Variants in TNS2 observed in about 807,000 individuals in gnomAD.
TNS2 encodes the protein tensin 2, also known as tensin-2.
Under a neutral mutation model 155.7 loss-of-function variants are expected in TNS2, and 77 were observed. The observed-to-expected ratio is 0.49, with a 90% CI of 0.41 to 0.60. The LOEUF is 0.60. Ranked by LOEUF, TNS2 falls within the 20% of genes least tolerant of loss-of-function variation. TNS2 has a pLI of 0.00. For missense variants in TNS2, 1,703 were observed against 1,868.8 expected (o/e 0.91, Z 1.64); for synonymous variants, 726 against 763.9 (o/e 0.95, Z 0.82).
At chr12:53,058,882 G>A (rs755944524) in intron 17 of TNS2, 55 bp downstream of exon 17, 6 of 1,589,852 alleles carry the variant, frequency 3.8e-6, no homozygotes, top group Non-Finnish European at 5.1e-6. Flanking sequence ...GACCCTGGGG[G>A]GTGGTGCCAG....
intron 11 of TNS2, 125 bp downstream of exon 11, chr12:53,057,221 A>G (rs1234996261): frequency 9.4e-7 from 1 of 1,059,768 alleles, no homozygotes; most frequent in East Asian, 2.6e-5. Flanking sequence ...GGTGCTGAGA[A>G]TTCAAAGTGG....
rs1944434004 is a variant in TNS2 at position 53,063,076 on chromosome 12, C to T, written c.3824-13C>T. On this transcript the variant is annotated splice_polypyrimidine_tract_variant and intron_variant, in intron 25 of 28. Transcript: ENST00000314250. This position sits in a 1 kb window ranked among gnomAD's most constrained non-coding sequence, Gnocchi z 5.6. Reference sequence around the variant, plus strand: ...TGGGCACTCCCTCCCTGACCCACTCCCTGCCCCTGTAGCCTGCAGCGTGCT... The same window carrying T: ...TGGGCACTCCCTCCCTGACCCACTCTCTGCCCCTGTAGCCTGCAGCGTGCT... The T allele has an allele frequency of 2.6e-6, 4 of 1,519,990 alleles. No individual in the cohort carries two copies. The highest frequency in any genetic ancestry group is 3.5e-6 in the Non-Finnish European group (4 of 1,136,826). The allele number at this position is 1,519,990 out of a possible 1,614,324, so 94.2% of individuals were successfully genotyped here.
chr12:53,049,070 G>T, upstream of TNS2: 2 of 1,123,392 alleles, frequency 1.8e-6, no homozygotes, highest in Non-Finnish European at 1.3e-6. Flanking sequence ...CTTTTTCAAG[G>T]CCCCATCCAC....
rs777879917 is a variant in TNS2, at chr12:53,061,866, G to T, written c.3500G>T (p.Ser1167Ile). 2.5e-6 allele frequency: 4 copies of T among 1,613,846 alleles called. No homozygotes were observed. The highest frequency in any genetic ancestry group is 2.5e-6 in the Non-Finnish European group (3 of 1,180,014). Residue 1167 changes from serine (S) to isoleucine (I), a missense_variant, in exon 22 of 29, where the codon AGT becomes ATT. Ser to Ile is a moderately radical substitution (Grantham distance 142, BLOSUM62 -2). Coordinates refer to ENST00000314250, the MANE Select transcript of TNS2 (RefSeq NM_170754.4). The stretch of plus-strand genomic sequence containing the variant: ...CCTGGGGCCTTCCTGATCAGGGACA[G>T]TCATTCATTCCAAGGAGCTTATGGG... ...KDPGAFLIRD[S>I]HSFQGAYGLA...
intron 10 of TNS2, 113 bp downstream of exon 10, chr12:53,055,958 CAGCTT>C (rs1944138500): frequency 9.4e-7 from 1 of 1,062,358 alleles, no homozygotes; most frequent in African/African-American, 1.6e-5. Context: ...CCTTTGCTGT[CAGCTT>C]AGCACTTCCA....
At position 53,058,643 on chromosome 12, in the gene TNS2, A is replaced by G. The variant is rs977424811; in HGVS notation, c.1291+6A>G. On this transcript the variant is annotated splice_donor_region_variant and intron_variant, in intron 16 of 28. Coordinates refer to ENST00000314250, the MANE Select transcript of TNS2 (RefSeq NM_170754.4). ...CAGCCCCGAGAAGATCAAAGGTAAGAGCAGGGACATGGGCTGGGGACTGAG... is the reference window on the plus strand; with the variant it reads ...CAGCCCCGAGAAGATCAAAGGTAAGGGCAGGGACATGGGCTGGGGACTGAG... 1.9e-6 allele frequency: 3 copies of G among 1,613,874 alleles called. No homozygotes were observed. In the African/African-American group the frequency reaches 4.0e-5, roughly 22 times the overall value.
At chr12:53,058,142 G>A (rs773363333) in intron 14 of TNS2, 40 bp downstream of exon 14, 11 of 1,613,628 alleles carry the variant, frequency 6.8e-6, no homozygotes, top group African/African-American at 1.3e-5. Flanking sequence ...CCTGGAGATG[G>A]GGCAGGGGTT....
chr12:53,060,757 C>T lies in TNS2; in HGVS notation c.2851C>T (p.Gln951Ter). The change falls in exon 20 of 29, where the codon CAG (glutamine) becomes TAG (stop). Residue 951 changes from glutamine (Q) to a stop codon, truncating the protein, a stop_gained. Transcript: ENST00000314250. LOFTEE classifies it high-confidence loss of function. The surrounding 1 kb of genome is among the most constrained non-coding windows in gnomAD (Gnocchi z 6.1). The stretch of plus-strand genomic sequence containing the variant: ...TGGCGAGGCCTTGCCCCCTGTTTCC[C>T]AGGCAGGCACCGGAAAGGCCCCTGA... ...SPGEALPPVS[Q>*]AGTGKAPELP... 6.2e-7 allele frequency: 1 copy of T among 1,611,852 alleles called. No homozygotes were observed. The highest frequency in any genetic ancestry group is 1.1e-5 in the South Asian group (1 of 90,930).
At chr12:53,062,815 G>A in intron 25 of TNS2, 118 bp downstream of exon 25, 2 of 1,254,182 alleles carry the variant, frequency 1.6e-6, no homozygotes, top group Non-Finnish European at 1.1e-6. Context: ...ACCCATGAGG[G>A]CAGGGGAGCC....
chr12:53,063,261 T>C lies in TNS2; in HGVS notation c.3992+4T>C. The C allele has an allele frequency of 1.9e-6, 3 of 1,613,578 alleles. No individual in the cohort carries two copies. The highest frequency in any genetic ancestry group is 1.7e-6 in the Non-Finnish European group (2 of 1,179,798). ...CACTGACGGACAACCAAAGGAAGTA[T>C]GTATACTCAGCCCTGTAGAACCCCA... is the stretch of plus-strand genomic sequence containing the variant. On this transcript the variant is annotated splice_donor_region_variant and intron_variant, in intron 26 of 28. Transcript: ENST00000314250. This position sits in a 1 kb window ranked among gnomAD's most constrained non-coding sequence, Gnocchi z 5.6.
Position 53,063,630 on chromosome 12 carries a change from G to A in TNS2, c.4091+38G>A. The A allele has an allele frequency of 6.2e-7, 1 of 1,614,156 alleles. No homozygotes were observed. Among genetic ancestry groups the A allele is most frequent in the Non-Finnish European group, 8.5e-7 (1 of 1,180,032 alleles). On this transcript the variant is annotated intron_variant, in intron 28 of 28. Coordinates refer to ENST00000314250, the MANE Select transcript of TNS2 (RefSeq NM_170754.4). This position sits in a 1 kb window ranked among gnomAD's most constrained non-coding sequence, Gnocchi z 5.6. Reference sequence around the variant, plus strand: ...ACGAATTCAGCCTCTTCCTTCCAAGGGACCAGGGCGCTGCTGTCCTCTCAA... The same window carrying A: ...ACGAATTCAGCCTCTTCCTTCCAAGAGACCAGGGCGCTGCTGTCCTCTCAA...
chr12:53,055,239 A>G lies in TNS2; in HGVS notation c.573+3A>G. 1.2e-6 allele frequency: 2 copies of G among 1,613,934 alleles called. No homozygotes were observed. The highest frequency in any genetic ancestry group is 2.2e-5 in the East Asian group (1 of 44,870). On this transcript the variant is annotated splice_donor_region_variant and intron_variant, in intron 8 of 28. Transcript: ENST00000314250. ...ACCTGACCCGCTTAAACCCCAAGGT[A>G]TGAAGGAAATGGCCTGCCCAACCAT...
chr12:53,064,177 A>C lies in TNS2; in HGVS notation c.*295A>C. On this transcript the variant is annotated 3_prime_UTR_variant, in exon 29 of 29. Transcript: ENST00000314250. ...AAGGAGATCAGGCAGCCCCACCTGCAGGAGAACGTCAGCCCTCCAGGGGAT... is the reference window on the plus strand; with the variant it reads ...AAGGAGATCAGGCAGCCCCACCTGCCGGAGAACGTCAGCCCTCCAGGGGAT... 2.7e-6 allele frequency: 1 copy of C among 374,714 alleles called. No individual in the cohort carries two copies. Among genetic ancestry groups the C allele is most frequent in the Non-Finnish European group, 4.9e-6 (1 of 204,546 alleles). The allele number at this position is 374,714 out of a possible 1,614,324, so 23.2% of individuals were successfully genotyped here.
chr12:53,058,335 G>A lies in TNS2; in HGVS notation c.1115G>A (p.Gly372Asp). Residue 372 changes from glycine (G) to aspartate (D), a missense_variant, in exon 15 of 29, where the codon GGT becomes GAT. By Grantham distance (94) the Gly-to-Asp change is moderately conservative. Coordinates refer to ENST00000314250, the MANE Select transcript of TNS2 (RefSeq NM_170754.4). The stretch of plus-strand genomic sequence containing the variant: ...TCCCAGGTAACATGTTATCACAAGG[G>A]TGGCCGGGGCACAGACCGGACCCTC... Reference protein sequence around the residue: ...GDVMVTCYHKGGRGTDRTLVF... With the variant: ...GDVMVTCYHKDGRGTDRTLVF... The A allele has an allele frequency of 6.2e-7, 1 of 1,614,166 alleles. No individual in the cohort carries two copies. Among genetic ancestry groups the A allele is most frequent in the Non-Finnish European group, 8.5e-7 (1 of 1,180,036 alleles).
chr12:53,048,932 ATGAGAG>A, upstream of TNS2: 1 of 462,222 alleles, frequency 2.2e-6, no homozygotes, highest in South Asian at 3.6e-5. Flanking sequence ...TACCATGCAA[ATGAGAG>A]GGGCACATTT....
chr12:53,063,938 C>G lies in TNS2; in HGVS notation c.*56C>G. 1 of 1,589,106 alleles carries G rather than the reference C, an allele frequency of 6.3e-7. No homozygotes were observed. On this transcript the variant is annotated 3_prime_UTR_variant, in exon 29 of 29. Coordinates refer to ENST00000314250, the MANE Select transcript of TNS2 (RefSeq NM_170754.4). This position sits in a 1 kb window ranked among gnomAD's most constrained non-coding sequence, Gnocchi z 5.6. ...ACACTGCCCCCCTCCCAGCACCCCA[C>G]AGCCCTCACATCCCCTGGCCTGGAC...
chr12:53,053,197 G>A (rs1212468695), intron 3 of TNS2: 1 of 597,550 alleles, frequency 1.7e-6, no homozygotes, highest in Admixed American at 2.5e-5. Context: ...TGGGCTGGGG[G>A]CTGAGCGCCA....
Position 53,059,980 on chromosome 12 carries a change from A to G in TNS2, c.2339A>G (p.His780Arg). ...ATGTGCCCCGAAGGCAGGTATGGGCATCCAGGGTACCCTGCCCTGGTGACA... is the reference window on the plus strand; with the variant it reads ...ATGTGCCCCGAAGGCAGGTATGGGCGTCCAGGGTACCCTGCCCTGGTGACA... ...YTMCPEGRYG[H>R]PGYPALVTYS... The change falls in exon 18 of 29, where the codon CAT becomes CGT. Residue 780 changes from histidine (H) to arginine (R), a missense_variant. His to Arg is a conservative substitution (Grantham distance 29). Transcript: ENST00000314250. The surrounding 1 kb of genome is among the most constrained non-coding windows in gnomAD (Gnocchi z 4.7). 1 of 1,613,232 alleles carries G rather than the reference A, an allele frequency of 6.2e-7. No homozygotes were observed. The highest frequency in any genetic ancestry group is 8.5e-7 in the Non-Finnish European group (1 of 1,179,862).
At chr12:53,056,802 G>A (rs1057143723) in intron 10 of TNS2, 3 of 499,120 alleles carry the variant, frequency 6.0e-6, no homozygotes, top group African/African-American at 1.9e-5. Context: ...CTGTTTTACA[G>A]ATGAAAAAAC....
Sources: allele counts gnomAD v4.1 joint callset, GRCh38; gene constraint gnomAD v4.1.1; non-coding constraint Gnocchi (gnomAD v3.1); transcripts MANE v1.5; gene names NCBI Gene and HGNC (gene_info 2026-07-23, HGNC 2026-07-21).